Variants in LINGO2 observed in about 807,000 individuals in gnomAD.
LINGO2 encodes leucine rich repeat and Ig domain containing 2, also known as leucine-rich repeat and immunoglobulin-like domain-containing nogo receptor-interacting protein 2.
In LINGO2, 14 loss-of-function variants were observed where a neutral mutation model predicts 30.6. The observed-to-expected ratio is 0.46, with a 90% confidence interval of 0.30 to 0.72. The LOEUF (loss-of-function observed/expected upper bound fraction) is 0.72, where lower values mean the gene tolerates loss of function less well. Among genes scored for constraint, LINGO2 ranks in the 30% least tolerant of loss-of-function variants. The pLI, the probability that LINGO2 is intolerant of heterozygous loss-of-function variation, is 0.07. For synonymous variants in LINGO2, 317 were observed against 288.5 expected (o/e 1.10, Z -1.00); for missense variants, 729 against 751.7 (o/e 0.97, Z 0.35).
At chr9:28,047,838 T>C (rs1350456599) in intron 4 of LINGO2, among the ~76,000 whole-genome samples, 1 of 150,758 alleles carries the variant, frequency 6.6e-6, no homozygotes, top group Non-Finnish European at 1.5e-5. Flanking sequence ...TTCAGAAGAA[T>C]AAAGGTAGGT....
the LINGO2 span, among the ~76,000 whole-genome samples, chr9:28,737,126 T>C: frequency 1.3e-5 from 2 of 152,206 alleles, no homozygotes; most frequent in African/African-American, 4.8e-5. Flanking sequence ...TTTCTGCTTT[T>C]ACTCTTGCTT....
chr9:29,083,326 C>T, the LINGO2 span, among the ~76,000 whole-genome samples: 2 of 152,024 alleles, frequency 1.3e-5, no homozygotes, highest in African/African-American at 4.8e-5. Context: ...AGCAAACTAT[C>T]ACAAGGACAA....
chr9:28,208,924 C>A (rs914699712), intron 4 of LINGO2, among the ~76,000 whole-genome samples: 1 of 151,966 alleles, frequency 6.6e-6, no homozygotes, highest in Non-Finnish European at 1.5e-5. Flanking sequence ...TTATTGATAT[C>A]ATTTCTCTAC....
At chr9:28,752,918 AGAT>A in the LINGO2 span, among the ~76,000 whole-genome samples, 1 of 152,034 alleles carries the variant, frequency 6.6e-6, no homozygotes, top group Admixed American at 6.6e-5. Context: ...TATAATATGG[AGAT>A]GATAATACTT....
intron 3 of LINGO2, among the ~76,000 whole-genome samples, chr9:28,333,976 C>A (rs1424423504): frequency 1.3e-5 from 2 of 152,150 alleles, no homozygotes; most frequent in Non-Finnish European, 2.9e-5. Context: ...GGCACAGTAA[C>A]ATTAGCAAAA....
chr9:28,825,016 T>C, the LINGO2 span, among the ~76,000 whole-genome samples: 1 of 152,148 alleles, frequency 6.6e-6, no homozygotes, highest in Admixed American at 6.6e-5. Flanking sequence ...GAAGGCTGCA[T>C]GCATATTAAT....
intron 3 of LINGO2, among the ~76,000 whole-genome samples, chr9:28,341,223 T>A (rs1487991929): frequency 6.6e-6 from 1 of 152,114 alleles, no homozygotes; most frequent in African/African-American, 2.4e-5. Context: ...AAATTTGCAA[T>A]TTTAAAAATT....
intron 1 of LINGO2, among the ~76,000 whole-genome samples, chr9:28,576,575 A>T (rs1824003008): frequency 6.6e-6 from 1 of 152,214 alleles, no homozygotes; most frequent in African/African-American, 2.4e-5. Context: ...ACACAAAATT[A>T]GGGTATAACT....
intron 4 of LINGO2, among the ~76,000 whole-genome samples, chr9:28,119,807 T>C (rs9657613): frequency 0.26 from 40,015 of 152,034 alleles, 5,924 homozygotes; most frequent in African/African-American, 0.41. Context: ...TCACCTGTGT[T>C]ACCCTTACCT....
At chr9:28,950,600 A>G in the LINGO2 span, among the ~76,000 whole-genome samples, 1 of 152,146 alleles carries the variant, frequency 6.6e-6, no homozygotes, top group East Asian at 1.9e-4. Flanking sequence ...ATACAACAAT[A>G]ATAGACAAAC....
At chr9:28,342,361 A>G (rs373680284) in intron 3 of LINGO2, among the ~76,000 whole-genome samples, 6 of 152,162 alleles carry the variant, frequency 3.9e-5, no homozygotes, top group East Asian at 1.9e-4. Flanking sequence ...ATAGTCCAAC[A>G]AACACGCAAA....
At chr9:27,986,742 T>A (rs1821143688) in intron 5 of LINGO2, among the ~76,000 whole-genome samples, 1 of 151,818 alleles carries the variant, frequency 6.6e-6, no homozygotes, top group African/African-American at 2.4e-5. Flanking sequence ...TTCCTAAAGA[T>A]GTAGAGGTAT....
chr9:28,475,585 T>C (rs1825700650), intron 2 of LINGO2, among the ~76,000 whole-genome samples: 1 of 152,226 alleles, frequency 6.6e-6, no homozygotes, highest in African/African-American at 2.4e-5. Flanking sequence ...TTTAAGCTCT[T>C]TATGCTAAGA....
intron 2 of LINGO2, among the ~76,000 whole-genome samples, chr9:28,415,823 G>T (rs1822946526): frequency 6.6e-6 from 1 of 152,024 alleles, no homozygotes; most frequent in Admixed American, 6.6e-5. Flanking sequence ...TATAGTGGCT[G>T]GCACATAGTA....
At chr9:28,869,059 T>C in the LINGO2 span, among the ~76,000 whole-genome samples, 1 of 152,132 alleles carries the variant, frequency 6.6e-6, no homozygotes, top group African/African-American at 2.4e-5. Flanking sequence ...ATTAAATACA[T>C]ATTTATCACT....
chr9:28,951,605 G>A, the LINGO2 span, among the ~76,000 whole-genome samples: 5 of 152,054 alleles, frequency 3.3e-5, no homozygotes, highest in Non-Finnish European at 7.4e-5. Flanking sequence ...TTGAGTTTGA[G>A]TTCCCAAGGC....
At chr9:28,702,986 T>G in the LINGO2 span, among the ~76,000 whole-genome samples, 2 of 151,852 alleles carry the variant, frequency 1.3e-5, no homozygotes, top group African/African-American at 4.8e-5. Context: ...GTTACCTCTT[T>G]CATTCCTGAC....
At chr9:28,004,459 A>G (rs571430923) in intron 5 of LINGO2, among the ~76,000 whole-genome samples, 48 of 152,320 alleles carry the variant, frequency 3.2e-4, no homozygotes, top group African/African-American at 1.1e-3. Context: ...AAAATAATCA[A>G]TTACTAGAAG....
At chr9:29,057,841 G>A in the LINGO2 span, among the ~76,000 whole-genome samples, 1 of 152,024 alleles carries the variant, frequency 6.6e-6, no homozygotes, top group East Asian at 1.9e-4. Flanking sequence ...TAATCAGCAT[G>A]GAAAGTATTA....
Sources: gnomAD v4.1 joint callset for allele counts (sites outside exome capture counted in the v4.1 genomes callset) on GRCh38, gnomAD v4.1.1 for gene constraint, MANE v1.5 for transcripts, NCBI Gene and HGNC (gene_info 2026-07-23, HGNC 2026-07-21) for gene names.